Variants in CACNA2D3 observed in about 807,000 individuals in gnomAD.
CACNA2D3 encodes the protein calcium voltage-gated channel auxiliary subunit alpha2delta 3.
In CACNA2D3, 60 loss-of-function variants were observed where a neutral mutation model predicts 160.6. The ratio of observed to expected loss-of-function variants is 0.37; its 90% CI spans 0.30 to 0.46. CACNA2D3 has a LOEUF of 0.46. Ranked by LOEUF, CACNA2D3 falls within the 20% of genes least tolerant of loss-of-function variation. CACNA2D3 has a pLI of 1.00. For synonymous variants in CACNA2D3, 558 were observed against 492.9 expected (o/e 1.13, Z -1.75); for missense variants, 1,205 against 1,365.0 (o/e 0.88, Z 1.85).
chr3:54,719,335 G>T (rs1394409967), intron 11 of CACNA2D3, among the ~76,000 whole-genome samples: 3 of 151,782 alleles, frequency 2.0e-5, no homozygotes, highest in African/African-American at 7.2e-5. Flanking sequence ...GGTTAAAGAA[G>T]TGCTCTTCTG....
At chr3:54,735,644 T>C (rs1478967525) in intron 11 of CACNA2D3, among the ~76,000 whole-genome samples, 1 of 152,146 alleles carries the variant, frequency 6.6e-6, no homozygotes, top group African/African-American at 2.4e-5. Context: ...TCTATGCTTC[T>C]ACTCTTAAGC....
intron 13 of CACNA2D3, among the ~76,000 whole-genome samples, chr3:54,802,115 T>G (rs1262723400): frequency 4.6e-5 from 7 of 152,156 alleles, no homozygotes; most frequent in Non-Finnish European, 1.0e-4. Context: ...TCCTACTCTT[T>G]CCTCCTCCTC....
chr3:54,982,847 G>A (rs1702535416), intron 29 of CACNA2D3, among the ~76,000 whole-genome samples: 1 of 152,052 alleles, frequency 6.6e-6, no homozygotes, highest in Non-Finnish European at 1.5e-5. Context: ...GTATAGCAGT[G>A]AAGACGACCA....
chr3:54,310,320 T>C (rs144088135), intron 2 of CACNA2D3, among the ~76,000 whole-genome samples: 15 of 152,356 alleles, frequency 9.8e-5, no homozygotes, highest in Non-Finnish European at 1.9e-4. Flanking sequence ...CTTTGGAGTA[T>C]TGTGTTTTGA....
Position 54,836,840 on chromosome 3 carries a change from A to C in CACNA2D3, c.1399-319A>C, listed in dbSNP as rs138743400. Among the ~76,000 whole-genome samples the C allele has an allele frequency of 1.3e-4, 20 of 152,312 alleles. 1 individual carries two copies. In the East Asian group the frequency reaches 3.7e-3, roughly 28 times the overall value. On this transcript the variant is annotated intron_variant, in intron 14 of 37. Coordinates refer to ENST00000474759, the MANE Select transcript of CACNA2D3 (RefSeq NM_018398.3). Reference sequence around the variant, plus strand: ...TAAGTGTCTGGGAGGCAAAATAGTAAAATAAACCTGTGCTAATAAAATAAA... The same window carrying C: ...TAAGTGTCTGGGAGGCAAAATAGTACAATAAACCTGTGCTAATAAAATAAA...
intron 4 of CACNA2D3, among the ~76,000 whole-genome samples, chr3:54,464,513 C>A (rs1208393344): frequency 6.6e-6 from 1 of 152,224 alleles, no homozygotes; most frequent in African/African-American, 2.4e-5. Flanking sequence ...TGCCACCTTG[C>A]AGTTTGATCT....
chr3:54,458,381 G>C lies in CACNA2D3; in HGVS notation c.382-45111G>C, dbSNP rs574040704. Among the ~76,000 whole-genome samples the C allele has an allele frequency of 2.6e-5, 4 of 151,512 alleles. No homozygotes were observed. The South Asian group carries it at 8.4e-4, about 32-fold the overall frequency. On this transcript the variant is annotated intron_variant, in intron 4 of 37. Coordinates refer to ENST00000474759, the MANE Select transcript of CACNA2D3 (RefSeq NM_018398.3). ...GTGATGATGAATTTCCTCAGTTTTTGGTTGTCTGAGAAAACTTTATTTCTC... is the reference window on the plus strand; with the variant it reads ...GTGATGATGAATTTCCTCAGTTTTTCGTTGTCTGAGAAAACTTTATTTCTC...
chr3:54,369,244 TG>T lies in CACNA2D3; in HGVS notation c.322-17470del, dbSNP rs369975533. Among the ~76,000 whole-genome samples the T allele has an allele frequency of 2.5e-3, 374 of 151,670 alleles. 3 individuals are homozygous for T. Among genetic ancestry groups the T allele is most frequent in the African/African-American group, 8.8e-3 (361 of 41,150 alleles). Reference sequence around the variant, plus strand: ...CAAACAAACAAACAAACAAAAAACTTGTAAAATAATTTAATGACACAAACCT... The same window carrying T: ...CAAACAAACAAACAAACAAAAAACTTTAAAATAATTTAATGACACAAACCT... On this transcript the variant is annotated intron_variant, in intron 3 of 37. Transcript: ENST00000474759.
intron 35 of CACNA2D3, among the ~76,000 whole-genome samples, chr3:55,052,766 T>C (rs1428998225): frequency 6.6e-6 from 1 of 152,170 alleles, no homozygotes; most frequent in Non-Finnish European, 1.5e-5. Context: ...GTATTCCTTG[T>C]TCTGAAGTAC....
At chr3:54,534,263 ATTC>A (rs1401442142) in intron 5 of CACNA2D3, among the ~76,000 whole-genome samples, 2 of 152,280 alleles carry the variant, frequency 1.3e-5, no homozygotes, top group African/African-American at 2.4e-5. Flanking sequence ...GTAGTTTTTA[ATTC>A]TTCTTTTGTT....
intron 14 of CACNA2D3, among the ~76,000 whole-genome samples, chr3:54,836,761 G>A (rs1698700145): frequency 6.6e-6 from 1 of 152,138 alleles, no homozygotes. Context: ...CCCTTTATGT[G>A]CATGCTTTCT....
intron 2 of CACNA2D3, among the ~76,000 whole-genome samples, chr3:54,278,524 G>T (rs1224409972): frequency 6.6e-6 from 1 of 152,114 alleles, no homozygotes; most frequent in Non-Finnish European, 1.5e-5. Flanking sequence ...CTACTGTAAA[G>T]ATGTGCACAC....
intron 2 of CACNA2D3, 30 bp from the exon 3 acceptor site, chr3:54,320,412 T>C: frequency 5.3e-6 from 6 of 1,124,958 alleles, no homozygotes; most frequent in Non-Finnish European, 7.8e-6. Context: ...CGGTGTCATG[T>C]GTCTTGAATG....
chr3:54,797,639 A>G (rs1351360448), intron 13 of CACNA2D3, among the ~76,000 whole-genome samples: 1 of 152,212 alleles, frequency 6.6e-6, no homozygotes, highest in Admixed American at 6.5e-5. Context: ...GACATAGCAA[A>G]GCACAAAACA....
At chr3:55,057,194 C>T (rs969736775) in intron 35 of CACNA2D3, among the ~76,000 whole-genome samples, 2 of 152,154 alleles carry the variant, frequency 1.3e-5, no homozygotes, top group African/African-American at 2.4e-5. Flanking sequence ...GATTGTGAGG[C>T]CTCCCCAGCC....
intron 4 of CACNA2D3, among the ~76,000 whole-genome samples, chr3:54,387,449 C>T (rs375495394): frequency 1.3e-5 from 2 of 152,000 alleles, no homozygotes; most frequent in African/African-American, 2.4e-5. Flanking sequence ...GCCAGGAGTT[C>T]GAGACCAGCC....
intron 5 of CACNA2D3, among the ~76,000 whole-genome samples, chr3:54,515,888 T>G (rs1701542204): frequency 1.3e-5 from 2 of 152,196 alleles, no homozygotes; most frequent in South Asian, 4.1e-4. Flanking sequence ...TCCCATTTGT[T>G]CTCTCACTGA....
chr3:54,305,059 C>A (rs971667022), intron 2 of CACNA2D3, among the ~76,000 whole-genome samples: 3 of 152,098 alleles, frequency 2.0e-5, no homozygotes, highest in African/African-American at 7.2e-5. Flanking sequence ...GGCATAGTAA[C>A]GTAGCAGCTG....
intron 3 of CACNA2D3, among the ~76,000 whole-genome samples, chr3:54,359,970 T>C (rs1225649167): frequency 6.6e-6 from 1 of 152,182 alleles, no homozygotes; most frequent in Non-Finnish European, 1.5e-5. Flanking sequence ...AGGACATGTA[T>C]CAGGATGCCA....
Sources: gnomAD v4.1 joint callset for allele counts (sites outside exome capture counted in the v4.1 genomes callset) on GRCh38, gnomAD v4.1.1 for gene constraint, MANE v1.5 for transcripts, NCBI Gene and HGNC (gene_info 2026-07-23, HGNC 2026-07-21) for gene names.